The following NISCH variants were observed in gnomAD, a reference collection of about 807,000 sequenced individuals.
The protein encoded by NISCH is nischarin, also known as I-1 receptor candidate protein.
In NISCH, 55 loss-of-function variants were observed where a neutral mutation model predicts 138.4. The ratio of observed to expected loss-of-function variants is 0.40; its 90% confidence interval spans 0.32 to 0.50. The LOEUF (loss-of-function observed/expected upper bound fraction) is 0.50. NISCH is among the 20% of genes least tolerant of loss of function. The probability of loss-of-function intolerance (pLI) is 0.71; values close to 1 mark genes in which losing one functional copy is unlikely to be tolerated. For synonymous variants in NISCH, 860 were observed against 861.5 expected (o/e 1.00, Z 0.03); for missense variants, 1,643 against 2,005.5 (o/e 0.82, Z 3.45).
intron 19 of NISCH, 145 bp from the exon 20 acceptor site, chr3:52,491,207 C>A: frequency 1.5e-6 from 2 of 1,295,602 alleles, no homozygotes; most frequent in South Asian, 3.2e-5. Context: ...GGCCTCCTCC[C>A]GGGCCCCATG....
chr3:52,461,803 C>T (rs1706639663), intron 3 of NISCH, among the ~76,000 whole-genome samples: 1 of 148,914 alleles, frequency 6.7e-6, no homozygotes. Context: ...GCAGAGCTTG[C>T]AGTGAGCCAA....
chr3:52,479,200 C>CA lies in NISCH; in HGVS notation c.1303-548dup, dbSNP rs1707193738. On this transcript the variant is annotated intron_variant, in intron 11 of 20. Coordinates refer to ENST00000345716, the MANE Select transcript of NISCH (RefSeq NM_007184.4). The stretch of plus-strand genomic sequence containing the variant: ...CAGACTTTGGGAAGCTCCCAGGCCA[C>CA]AGAGTGTCAGCTCCTGTCCAGGCCC... Among the ~76,000 whole-genome samples the CA allele has an allele frequency of 2.0e-5, 3 of 152,316 alleles. No individual in the cohort carries two copies. In the South Asian group the frequency reaches 6.2e-4, roughly 32 times the overall value.
intron 3 of NISCH, among the ~76,000 whole-genome samples, chr3:52,470,036 G>A (rs530678263): frequency 6.6e-6 from 1 of 151,028 alleles, no homozygotes; most frequent in South Asian, 2.1e-4. Flanking sequence ...GTGAGCTATG[G>A]TCATACCATT....
At position 52,488,094 on chromosome 3, in the gene NISCH, G is replaced by T; in HGVS notation, c.2602G>T (p.Val868Leu). The T allele has an allele frequency of 6.2e-7, 1 of 1,612,926 alleles. No homozygotes were observed. The highest frequency in any genetic ancestry group is 8.5e-7 in the Non-Finnish European group (1 of 1,179,978). The change falls in exon 16 of 21, where the codon GTG (valine) becomes TTG (leucine). Residue 868 changes from valine (V) to leucine (L), a missense_variant. Coordinates refer to ENST00000345716, the MANE Select transcript of NISCH (RefSeq NM_007184.4). ...CCTGGTCTACAGTGACAAGCGCATG[G>T]TGCAGACGGCCGCCGGGGACTACTC... ...VYLVYSDKRM[V>L]QTAAGDYSGN...
chr3:52,486,138 C>G, intron 15 of NISCH, among the ~76,000 whole-genome samples: 1 of 152,198 alleles, frequency 6.6e-6, no homozygotes, highest in East Asian at 1.9e-4. Context: ...GAGACTGAGT[C>G]TCGCTCTGTC....
chr3:52,490,059 G>A lies in NISCH; in HGVS notation c.3457-16G>A, dbSNP rs775512238. ...TGCTAGGGTGGTGGAGCTGACAGGA[G>A]GCCCCCCGTCTTCAGGTTGAAAACG... is the stretch of plus-strand genomic sequence containing the variant. On this transcript the variant is annotated splice_polypyrimidine_tract_variant and intron_variant, in intron 17 of 20. Transcript: ENST00000345716. 6.2e-7 allele frequency: 1 copy of A among 1,613,080 alleles called. No individual in the cohort carries two copies. The highest frequency in any genetic ancestry group is 1.7e-5 in the Admixed American group (1 of 60,000).
At chr3:52,484,462 T>TTGGGCCCC in intron 13 of NISCH, 51 bp from the exon 14 acceptor site, 120 of 788,660 alleles carry the variant, frequency 1.5e-4, no homozygotes, top group Non-Finnish European at 2.0e-4. Flanking sequence ...ACAGCCGCTC[T>TTGGGCCCC]CCCCGCCCCA....
chr3:52,484,462 T>TTGGGCGCCCCCCC, intron 13 of NISCH, 51 bp from the exon 14 acceptor site: 1 of 788,670 alleles, frequency 1.3e-6, no homozygotes, highest in Non-Finnish European at 1.8e-6. Flanking sequence ...ACAGCCGCTC[T>TTGGGCGCCCCCCC]CCCCGCCCCA....
At chr3:52,490,661 C>G (rs1403189613) in intron 18 of NISCH, 44 bp from the exon 19 acceptor site, 3 of 1,613,058 alleles carry the variant, frequency 1.9e-6, no homozygotes, top group Admixed American at 1.7e-5. Context: ...GAACCTTGTG[C>G]TTGCCTGCCA....
At chr3:52,461,850 A>G (rs1260367280) in intron 3 of NISCH, among the ~76,000 whole-genome samples, 2 of 151,578 alleles carry the variant, frequency 1.3e-5, no homozygotes, top group African/African-American at 4.9e-5. Context: ...GCGACAGAGC[A>G]AGACTCCGTC....
At chr3:52,476,653 GT>G in intron 8 of NISCH, 54 bp downstream of exon 8, 1 of 1,585,848 alleles carries the variant, frequency 6.3e-7, no homozygotes, top group Non-Finnish European at 8.7e-7. Flanking sequence ...CAAACCCTGA[GT>G]TTGAGTATTT....
intron 11 of NISCH, 129 bp downstream of exon 11, chr3:52,478,706 G>A: frequency 1.1e-5 from 9 of 841,898 alleles, no homozygotes; most frequent in Non-Finnish European, 1.7e-5. Context: ...CTGTCCCTTA[G>A]GGGCTTTTCA....
In NISCH at chr3:52,491,393, A is replaced by G; in HGVS notation, c.3784A>G (p.Ser1262Gly). ...MQVVTCLTRD[S>G]YLTHCFLQHL... ...GGTGGTCACGTGCTTGACGCGGGAC[A>G]GCTACCTGACGCACTGCTTCCTCCA... The change falls in exon 20 of 21, where the codon AGC becomes GGC. Residue 1262 changes from serine to glycine, a missense_variant. Transcript: ENST00000345716. 6.2e-7 allele frequency: 1 copy of G among 1,613,204 alleles called. No individual in the cohort carries two copies. The highest frequency in any genetic ancestry group is 1.1e-5 in the South Asian group (1 of 91,080).
At chr3:52,479,465 A>T (rs1292024355) in intron 11 of NISCH, among the ~76,000 whole-genome samples, 1 of 152,044 alleles carries the variant, frequency 6.6e-6, no homozygotes, top group Non-Finnish European at 1.5e-5. Flanking sequence ...GTTCTTGGTG[A>T]GGGACTCCAG....
Position 52,488,111 on chromosome 3 carries a change from G to A in NISCH, c.2619G>A (p.Gly873=), listed in dbSNP as rs1386006315. The A allele has an allele frequency of 6.2e-7, 1 of 1,613,008 alleles. No homozygotes were observed. The highest frequency in any genetic ancestry group is 8.5e-7 in the Non-Finnish European group (1 of 1,179,992). Residue 873 remains glycine, a synonymous_variant, in exon 16 of 21, where the codon GGG becomes GGA. Transcript: ENST00000345716. ...SDKRMVQTAA[G]DYSGNIEWAS... ...AGCGCATGGTGCAGACGGCCGCCGG[G>A]GACTACTCAGGCAACATCGAGTGGG...
intron 3 of NISCH, 38 bp downstream of exon 3, chr3:52,458,882 C>T: frequency 5.2e-6 from 8 of 1,539,948 alleles, no homozygotes; most frequent in Non-Finnish European, 6.1e-6. Context: ...TGCCTGCAAA[C>T]CCACAACTGC....
chr3:52,471,011 C>G (rs1400812851), intron 4 of NISCH, 104 bp downstream of exon 4: 3 of 1,167,602 alleles, frequency 2.6e-6, no homozygotes, highest in African/African-American at 3.0e-5. Context: ...GCCCACCTAC[C>G]TCCCCTGTAG....
In NISCH at chr3:52,492,065, C is replaced by A; in HGVS notation, c.4098C>A (p.Gly1366=). 1 of 1,612,872 alleles carries A rather than the reference C, an allele frequency of 6.2e-7. No homozygotes were observed. The highest frequency in any genetic ancestry group is 8.5e-7 in the Non-Finnish European group (1 of 1,179,874). ...TGCCACCCCCTGGGTGCTGCAGGGG[C>A]CCCCTGCGCCCCAAGACACTCCTGC... ...VGMPPPGCCR[G]PLRPKTLLLT... Residue 1366 remains glycine (G), a synonymous_variant, in exon 21 of 21, where the codon GGC becomes GGA. Transcript: ENST00000345716.
At chr3:52,490,902 C>T (rs182568351) in intron 19 of NISCH, 69 bp downstream of exon 19, 31 of 1,588,312 alleles carry the variant, frequency 2.0e-5, no homozygotes, top group South Asian at 1.4e-4. Context: ...TTCCACCTTC[C>T]GTACGTGGGT....
Sources: gnomAD v4.1 joint callset for allele counts (sites outside exome capture counted in the v4.1 genomes callset) on GRCh38, gnomAD v4.1.1 for gene constraint, MANE v1.5 for transcripts, NCBI Gene and HGNC (gene_info 2026-07-23, HGNC 2026-07-21) for gene names.